MARCHF3: variants seen among roughly 807,000 people sequenced by gnomAD.
The protein encoded by MARCHF3 is membrane associated ring-CH-type finger 3.
MARCHF3 carries 13 observed loss-of-function variants against 24.2 expected under a neutral mutation model. That is an observed-to-expected ratio of 0.54 (90% CI 0.35 to 0.85). The LOEUF is 0.85. MARCHF3 is among the 40% of genes least tolerant of loss of function. The probability of loss-of-function intolerance (pLI) is 0.01; values close to 1 mark genes in which losing one functional copy is unlikely to be tolerated. For missense variants in MARCHF3, 276 were observed against 325.0 expected, an observed-to-expected ratio of 0.85 and a Z score of 1.16; for synonymous variants, 144 against 137.3, an observed-to-expected ratio of 1.05 and a Z score of -0.34.
At chr5:126,929,858 T>C (rs1749424204) in intron 1 of MARCHF3, among the ~76,000 whole-genome samples, 1 of 152,206 alleles carries the variant, frequency 6.6e-6, no homozygotes, top group Non-Finnish European at 1.5e-5. Flanking sequence ...CAAGATCTGA[T>C]GGTTTTATAA....
At chr5:126,956,823 T>C (rs1208628004) in intron 1 of MARCHF3, among the ~76,000 whole-genome samples, 2 of 152,200 alleles carry the variant, frequency 1.3e-5, no homozygotes, top group Non-Finnish European at 2.9e-5. Flanking sequence ...TTTACTTTCA[T>C]CAGTAGTTGA....
chr5:126,904,492 T>A (rs1205783613), intron 3 of MARCHF3, among the ~76,000 whole-genome samples: 1 of 148,396 alleles, frequency 6.7e-6, no homozygotes, highest in Non-Finnish European at 1.5e-5. Flanking sequence ...CCTGACTTTT[T>A]AATGATTGCC....
chr5:126,994,896 G>A (rs1751896384), intron 1 of MARCHF3, among the ~76,000 whole-genome samples: 1 of 152,240 alleles, frequency 6.6e-6, no homozygotes, highest in Admixed American at 6.5e-5. Context: ...TTGACTCCAA[G>A]AGTCCAAAAG....
intron 3 of MARCHF3, among the ~76,000 whole-genome samples, chr5:126,892,780 G>A (rs1026667791): frequency 5.6e-5 from 8 of 144,048 alleles, no homozygotes; most frequent in South Asian, 4.4e-4. Flanking sequence ...CCTGGCTTTC[G>A]TATCAGAATG....
chr5:127,001,993 C>T (rs1752138573), intron 1 of MARCHF3, among the ~76,000 whole-genome samples: 1 of 152,192 alleles, frequency 6.6e-6, no homozygotes, highest in Non-Finnish European at 1.5e-5. Context: ...GCCACTAGAA[C>T]ACTACAGAAT....
At chr5:127,015,437 A>C (rs944084505) in intron 1 of MARCHF3, among the ~76,000 whole-genome samples, 3 of 152,216 alleles carry the variant, frequency 2.0e-5, no homozygotes, top group Non-Finnish European at 4.4e-5. Context: ...TGAATGGGAA[A>C]GTCACACTGC....
At chr5:126,981,861 AT>A (rs753648781) in intron 1 of MARCHF3, among the ~76,000 whole-genome samples, 4 of 152,162 alleles carry the variant, frequency 2.6e-5, no homozygotes, top group Non-Finnish European at 5.9e-5. Context: ...GCTCTTTTTA[AT>A]TTTACCAGAA....
chr5:126,967,458 C>T lies in MARCHF3; in HGVS notation c.-56-49231G>A, dbSNP rs143199998. On this transcript the variant is annotated intron_variant, in intron 1 of 4. Transcript: ENST00000308660. ...CTGTAATCCCAGCACTTTGAGAGGC[C>T]GAGGCAGGCGGATCACCTGAGGTCA... 9.7e-3 allele frequency among the ~76,000 whole-genome samples: 1,480 copies of T among 152,190 alleles called. 18 individuals are homozygous for T. The highest frequency in any genetic ancestry group is 0.034 in the African/African-American group (1,412 of 41,514).
chr5:126,906,992 C>T (rs962048131), intron 3 of MARCHF3, among the ~76,000 whole-genome samples: 199 of 152,014 alleles, frequency 1.3e-3, no homozygotes, highest in African/African-American at 2.9e-3. Context: ...GCTTTGAATG[C>T]GTCCCAGAGA....
chr5:126,937,526 T>G (rs1322289999), intron 1 of MARCHF3, among the ~76,000 whole-genome samples: 1 of 152,220 alleles, frequency 6.6e-6, no homozygotes, highest in Non-Finnish European at 1.5e-5. Flanking sequence ...CAATTGTATA[T>G]TTAGACCATG....
intron 1 of MARCHF3, among the ~76,000 whole-genome samples, chr5:127,028,463 C>G (rs991298565): frequency 1.8e-4 from 27 of 151,904 alleles, no homozygotes; most frequent in Non-Finnish European, 3.4e-4. Context: ...GAATATATGT[C>G]CAGGTTATAA....
chr5:126,965,570 G>C (rs1485345377), intron 1 of MARCHF3, among the ~76,000 whole-genome samples: 1 of 152,148 alleles, frequency 6.6e-6, no homozygotes, highest in Non-Finnish European at 1.5e-5. Flanking sequence ...TCTATTAATA[G>C]CATATTAATA....
chr5:126,896,879 T>C (rs555805045), intron 3 of MARCHF3, among the ~76,000 whole-genome samples: 2 of 152,030 alleles, frequency 1.3e-5, no homozygotes, highest in Non-Finnish European at 2.9e-5. Flanking sequence ...TGAACCTGTA[T>C]TTGGACAATG....
intron 3 of MARCHF3, among the ~76,000 whole-genome samples, chr5:126,894,673 G>A (rs1318037452): frequency 2.6e-5 from 4 of 152,010 alleles, no homozygotes; most frequent in Non-Finnish European, 5.9e-5. Flanking sequence ...AGTCTGATGG[G>A]CTTCCCTTTG....
At chr5:126,935,679 T>C (rs1340438630) in intron 1 of MARCHF3, among the ~76,000 whole-genome samples, 2 of 148,850 alleles carry the variant, frequency 1.3e-5, no homozygotes, top group Non-Finnish European at 3.0e-5. Flanking sequence ...GGCGTGATCT[T>C]GGCTCACTGC....
chr5:126,991,463 G>A (rs1181779029), intron 1 of MARCHF3, among the ~76,000 whole-genome samples: 1 of 152,008 alleles, frequency 6.6e-6, no homozygotes, highest in Non-Finnish European at 1.5e-5. Context: ...TGAGTTGATG[G>A]GTACAGCAAA....
chr5:126,899,820 A>T (rs540970540), intron 3 of MARCHF3, among the ~76,000 whole-genome samples: 2 of 152,176 alleles, frequency 1.3e-5, no homozygotes, highest in South Asian at 4.1e-4. Flanking sequence ...GAGGGTTCTC[A>T]TATATCCCTG....
intron 1 of MARCHF3, among the ~76,000 whole-genome samples, chr5:126,965,594 A>G (rs1052833930): frequency 1.3e-5 from 2 of 152,212 alleles, no homozygotes; most frequent in Non-Finnish European, 2.9e-5. Context: ...ATGCTGATTG[A>G]ACCTTAAAAT....
chr5:126,917,909 C>T, intron 2 of MARCHF3, 75 bp downstream of exon 2: 2 of 1,470,974 alleles, frequency 1.4e-6, no homozygotes, highest in Middle Eastern at 1.8e-4. Flanking sequence ...TAATTACATT[C>T]CCATTAGCAT....
Sources: allele counts gnomAD v4.1 joint callset (sites outside exome capture counted in the v4.1 genomes callset), GRCh38; gene constraint gnomAD v4.1.1; transcripts MANE v1.5; gene names NCBI Gene and HGNC (gene_info 2026-07-23, HGNC 2026-07-21).